FRMPD1: variants seen among roughly 807,000 people sequenced by gnomAD.
FRMPD1 encodes the protein FERM and PDZ domain-containing protein 1.
In FRMPD1, 76 loss-of-function variants were observed where a neutral mutation model predicts 117.8. The observed-to-expected ratio is 0.65, with a 90% CI of 0.54 to 0.78. The LOEUF (loss-of-function observed/expected upper bound fraction) is 0.78. Ranked by LOEUF, FRMPD1 falls within the 30% of genes least tolerant of loss-of-function variation. The probability of loss-of-function intolerance (pLI) is 0.00; values close to 1 mark genes in which losing one functional copy is unlikely to be tolerated. For synonymous variants in FRMPD1, 783 were observed against 770.4 expected (o/e 1.02, Z -0.27); for missense variants, 1,786 against 1,964.5 (o/e 0.91, Z 1.72).
chr9:37,664,494 C>A (rs1273536853), intron 1 of FRMPD1, among the ~76,000 whole-genome samples: 1 of 151,964 alleles, frequency 6.6e-6, no homozygotes, highest in Non-Finnish European at 1.5e-5. Flanking sequence ...CGACAGGCCC[C>A]GGTGTGTGTT....
the FRMPD1 span, among the ~76,000 whole-genome samples, chr9:37,631,266 A>G: frequency 6.6e-6 from 1 of 152,266 alleles, no homozygotes; most frequent in African/African-American, 2.4e-5. Flanking sequence ...AAAAGCACTT[A>G]GAGTATCCCT....
At chr9:37,706,216 G>T (rs527706467) in intron 2 of FRMPD1, among the ~76,000 whole-genome samples, 1 of 152,070 alleles carries the variant, frequency 6.6e-6, no homozygotes, top group Non-Finnish European at 1.5e-5. Context: ...GGCCTGGGGG[G>T]GATCCTTGGT....
At chr9:37,691,091 G>A (rs1449479952) in intron 1 of FRMPD1, among the ~76,000 whole-genome samples, 5 of 152,180 alleles carry the variant, frequency 3.3e-5, no homozygotes, top group East Asian at 1.9e-4. Flanking sequence ...TAAAGTACTC[G>A]CTGACAGTAT....
chr9:37,703,008 C>CT (rs1822585968), intron 2 of FRMPD1, among the ~76,000 whole-genome samples: 1 of 152,172 alleles, frequency 6.6e-6, no homozygotes, highest in Non-Finnish European at 1.5e-5. Context: ...AACTCATACT[C>CT]TGTTCTAGAA....
In FRMPD1 at chr9:37,740,910, G is replaced by T. The variant is rs1222441160; in HGVS notation, c.2356+26G>T. The T allele has an allele frequency of 1.3e-6, 2 of 1,584,916 alleles. No homozygotes were observed. Among genetic ancestry groups the T allele is most frequent in the Non-Finnish European group, 1.7e-6 (2 of 1,153,490 alleles). On this transcript the variant is annotated intron_variant, in intron 15 of 15. Coordinates refer to ENST00000377765, the MANE Select transcript of FRMPD1 (RefSeq NM_014907.3). The surrounding 1 kb of genome is among the most constrained non-coding windows in gnomAD (Gnocchi z 4.2). ...GTGAGCCGTCCCTTGCAGGTCTGCAGACACGGCAGGCAGCTCCTGAGTGCC... is the reference window on the plus strand; with the variant it reads ...GTGAGCCGTCCCTTGCAGGTCTGCATACACGGCAGGCAGCTCCTGAGTGCC...
At chr9:37,739,863 G>A (rs898315442) in intron 14 of FRMPD1, among the ~76,000 whole-genome samples, 2 of 152,158 alleles carry the variant, frequency 1.3e-5, no homozygotes, top group African/African-American at 4.8e-5. Context: ...CTTTAGCTCA[G>A]AGAGATGTGG....
the FRMPD1 span, among the ~76,000 whole-genome samples, chr9:37,628,477 AAG>A: frequency 6.6e-6 from 1 of 152,208 alleles, no homozygotes; most frequent in East Asian, 1.9e-4. Context: ...AGGAGGAGGA[AAG>A]AGAAGTCAAG....
At chr9:37,617,666 T>G in the FRMPD1 span, among the ~76,000 whole-genome samples, 1 of 152,220 alleles carries the variant, frequency 6.6e-6, no homozygotes, top group Non-Finnish European at 1.5e-5. Context: ...TCCCTAATTC[T>G]AAGCCATCCC....
At chr9:37,700,304 A>G (rs1444304033) in intron 2 of FRMPD1, among the ~76,000 whole-genome samples, 1 of 152,114 alleles carries the variant, frequency 6.6e-6, no homozygotes, top group Non-Finnish European at 1.5e-5. Flanking sequence ...GCCCCCTAGA[A>G]ACTGTTACAA....
chr9:37,637,776 G>A, the FRMPD1 span, among the ~76,000 whole-genome samples: 485 of 152,182 alleles, frequency 3.2e-3, 1 homozygote, highest in African/African-American at 0.011. Flanking sequence ...TGATTGTGAG[G>A]GTAAAAGGAC....
chr9:37,727,485 C>T (rs1047109275), intron 7 of FRMPD1, among the ~76,000 whole-genome samples: 3 of 152,112 alleles, frequency 2.0e-5, no homozygotes, highest in African/African-American at 7.2e-5. Context: ...AGTTGGAGAA[C>T]AGATGGGTGG....
At position 37,746,091 on chromosome 9, in the gene FRMPD1, A is replaced by G. The variant is rs776859325; in HGVS notation, c.4059A>G (p.Glu1353=). 2 of 1,614,114 alleles carry G rather than the reference A, an allele frequency of 1.2e-6. No homozygotes were observed. Among genetic ancestry groups the G allele is most frequent in the Admixed American group, 1.7e-5 (1 of 60,016 alleles). Residue 1353 remains glutamate (E), a synonymous_variant, in exon 16 of 16, where the codon GAA becomes GAG. Transcript: ENST00000377765. ...CFRGPQPETE[E]EDRDLEAHPM... ...GTGGCCCGCAGCCTGAGACAGAGGA[A>G]GAAGACAGGGACTTGGAAGCACACC...
At chr9:37,721,934 T>C (rs1422010813) in intron 6 of FRMPD1, among the ~76,000 whole-genome samples, 5 of 152,136 alleles carry the variant, frequency 3.3e-5, no homozygotes, top group African/African-American at 9.7e-5. Context: ...TTTACAGATA[T>C]AGATAAAAAT....
chr9:37,742,063 C>G lies in FRMPD1; in HGVS notation c.2356+1179C>G, dbSNP rs564348771. On this transcript the variant is annotated intron_variant, in intron 15 of 15. Transcript: ENST00000377765. The stretch of plus-strand genomic sequence containing the variant: ...TTGATGTTTCTCTCCATCACTAGAC[C>G]GAGAACTCCTTTGAGCGTTAGAACT... Among the ~76,000 whole-genome samples, 37 of 152,306 alleles carry G rather than the reference C, an allele frequency of 2.4e-4. No homozygotes were observed. In the South Asian group the frequency reaches 7.7e-3, roughly 32 times the overall value.
Position 37,707,512 on chromosome 9 carries a change from C to T in FRMPD1, c.198C>T (p.Leu66=), listed in dbSNP as rs368412884. The change falls in exon 3 of 16, where the codon CTC becomes CTT. Residue 66 remains leucine (L), a synonymous_variant. Coordinates refer to ENST00000377765, the MANE Select transcript of FRMPD1 (RefSeq NM_014907.3). ...HTVKIDKDTL[L]QDYGFHISES... ...TAAAGATAGACAAAGACACCCTCCT[C>T]CAGGACTATGGATTTCACATTTCTG... is the stretch of plus-strand genomic sequence containing the variant. The T allele has an allele frequency of 1.2e-6, 2 of 1,614,012 alleles. No homozygotes were observed. Among genetic ancestry groups the T allele is most frequent in the Non-Finnish European group, 1.7e-6 (2 of 1,179,864 alleles).
At chr9:37,733,292 G>A (rs990121034) in intron 10 of FRMPD1, among the ~76,000 whole-genome samples, 181 bp from the exon 11 acceptor site, 3 of 152,148 alleles carry the variant, frequency 2.0e-5, no homozygotes, top group African/African-American at 7.2e-5. Flanking sequence ...GAATGCCTGT[G>A]GGGATTTTTG....
chr9:37,624,899 C>G, the FRMPD1 span, among the ~76,000 whole-genome samples: 2 of 152,182 alleles, frequency 1.3e-5, no homozygotes, highest in Non-Finnish European at 2.9e-5. Context: ...CTCTTATAAT[C>G]CAGGCATGAT....
Position 37,740,336 on chromosome 9 carries a change from G to A in FRMPD1, c.1808G>A (p.Ser603Asn). 1 of 1,613,776 alleles carries A rather than the reference G, an allele frequency of 6.2e-7. No homozygotes were observed. Among genetic ancestry groups the A allele is most frequent in the Non-Finnish European group, 8.5e-7 (1 of 1,180,030 alleles). The change falls in exon 15 of 16, where the codon AGT becomes AAT. Residue 603 changes from serine to asparagine, a missense_variant. Transcript: ENST00000377765. The surrounding 1 kb of genome is among the most constrained non-coding windows in gnomAD (Gnocchi z 4.2). ...ACTGAGAGCCGCGGCTACAGGACCA[G>A]TGGCTCGAGTGAGTCCATGGACGCT... ...ANTESRGYRTSGSSESMDALE... is the reference protein window; with the variant it reads ...ANTESRGYRTNGSSESMDALE...
chr9:37,662,114 C>G (rs1472944040), intron 1 of FRMPD1: 3 of 152,202 alleles, frequency 2.0e-5, no homozygotes, highest in African/African-American at 4.8e-5. Context: ...TTGGTTGTGG[C>G]TCTGGAGGCA....
Sources: allele counts gnomAD v4.1 joint callset (sites outside exome capture counted in the v4.1 genomes callset), GRCh38; gene constraint gnomAD v4.1.1; non-coding constraint Gnocchi (gnomAD v3.1); transcripts MANE v1.5; gene names NCBI Gene and HGNC (gene_info 2026-07-23, HGNC 2026-07-21).